AGBL1: variants seen among roughly 807,000 people sequenced by gnomAD.
AGBL1 encodes cytosolic carboxypeptidase 4.
Under a neutral mutation model 118.9 loss-of-function variants are expected in AGBL1, and 130 were observed. That is an observed-to-expected ratio of 1.09 (90% confidence interval 0.95 to 1.26). The LOEUF is 1.26. Ranked by LOEUF, AGBL1 falls within the 50% of genes most tolerant of loss-of-function variation. AGBL1 has a pLI of 0.00. For synonymous variants in AGBL1, 555 were observed against 478.9 expected, an observed-to-expected ratio of 1.16 and a Z score of -2.08; for missense variants, 1,584 against 1,298.1, an observed-to-expected ratio of 1.22 and a Z score of -3.38.
chr15:86,495,679 A>C (rs1281231188), intron 18 of AGBL1, among the ~76,000 whole-genome samples: 1 of 151,964 alleles, frequency 6.6e-6, no homozygotes, highest in Non-Finnish European at 1.5e-5. Flanking sequence ...TCTCTACAGT[A>C]ATTTTTTGAA....
chr15:86,897,423 TTAAAC>T (rs1436102992), intron 22 of AGBL1, among the ~76,000 whole-genome samples: 1 of 152,152 alleles, frequency 6.6e-6, no homozygotes, highest in Admixed American at 6.5e-5. Context: ...TATTATATCT[TTAAAC>T]TATATATTTT....
chr15:86,825,628 A>T (rs2078998556), intron 22 of AGBL1, among the ~76,000 whole-genome samples: 1 of 149,484 alleles, frequency 6.7e-6, no homozygotes, highest in Admixed American at 6.7e-5. Context: ...AGGAAAATAA[A>T]AAAAGGAAGG....
chr15:86,415,088 A>G (rs2081672723), intron 18 of AGBL1, among the ~76,000 whole-genome samples: 1 of 152,174 alleles, frequency 6.6e-6, no homozygotes, highest in African/African-American at 2.4e-5. Flanking sequence ...GCCTCAGATG[A>G]TCAGTGGGTA....
intron 5 of AGBL1, among the ~76,000 whole-genome samples, chr15:86,203,400 C>T (rs1199505745): frequency 6.6e-6 from 1 of 152,154 alleles, no homozygotes; most frequent in Non-Finnish European, 1.5e-5. Flanking sequence ...TTTTATAAGG[C>T]TAGTTTCTAA....
At chr15:86,877,429 A>G (rs1360781083) in intron 22 of AGBL1, among the ~76,000 whole-genome samples, 1 of 152,148 alleles carries the variant, frequency 6.6e-6, no homozygotes, top group Non-Finnish European at 1.5e-5. Flanking sequence ...TCTCTTCTGG[A>G]GGATATTAAG....
At chr15:86,167,450 T>C (rs1322672863) in intron 5 of AGBL1, among the ~76,000 whole-genome samples, 1 of 152,154 alleles carries the variant, frequency 6.6e-6, no homozygotes, top group East Asian at 1.9e-4. Flanking sequence ...TTCACCATGT[T>C]GGCCAGGCTG....
At chr15:86,402,361 T>A (rs1035671550) in intron 18 of AGBL1, among the ~76,000 whole-genome samples, 2 of 152,022 alleles carry the variant, frequency 1.3e-5, no homozygotes, top group Non-Finnish European at 2.9e-5. Context: ...TTTGGATGAG[T>A]CTTTAGGGTT....
intron 24 of AGBL1, among the ~76,000 whole-genome samples, chr15:86,998,048 T>G (rs1167739636): frequency 1.3e-5 from 2 of 152,148 alleles, no homozygotes; most frequent in African/African-American, 2.4e-5. Context: ...ATTGAATGTC[T>G]GTGATGTCTT....
At chr15:86,920,078 C>T (rs1427624671), downstream of AGBL1, among the ~76,000 whole-genome samples, 2 of 152,166 alleles carry the variant, frequency 1.3e-5, no homozygotes, top group Non-Finnish European at 2.9e-5. Flanking sequence ...GCACAGGGAA[C>T]CTCCGTGGGT....
intron 17 of AGBL1, among the ~76,000 whole-genome samples, chr15:86,314,141 C>G (rs1207854434): frequency 6.6e-6 from 1 of 152,080 alleles, no homozygotes; most frequent in Non-Finnish European, 1.5e-5. Flanking sequence ...TTGGATATGC[C>G]CAAGGGTATT....
chr15:86,196,877 G>GTGCA (rs1555446474), intron 5 of AGBL1, among the ~76,000 whole-genome samples: 2 of 86,390 alleles, frequency 2.3e-5, no homozygotes, highest in South Asian at 4.5e-4. Flanking sequence ...GTGCGCGCGC[G>GTGCA]CGCACACACA....
At chr15:86,575,738 C>T (rs1265374282) in intron 21 of AGBL1, among the ~76,000 whole-genome samples, 1 of 151,888 alleles carries the variant, frequency 6.6e-6, no homozygotes, top group Non-Finnish European at 1.5e-5. Flanking sequence ...TACAGGTACA[C>T]ACCACCACAT....
chr15:87,024,467 A>G (rs1403340252), intron 24 of AGBL1, among the ~76,000 whole-genome samples: 1 of 152,066 alleles, frequency 6.6e-6, no homozygotes, highest in East Asian at 1.9e-4. Context: ...AACAAGCAGC[A>G]AGATTGAAAT....
At chr15:86,223,731 T>A (rs1343171393) in intron 5 of AGBL1, among the ~76,000 whole-genome samples, 2 of 152,232 alleles carry the variant, frequency 1.3e-5, no homozygotes, top group East Asian at 3.9e-4. Flanking sequence ...AATTTCAGGC[T>A]TTTGCTCTTG....
intron 6 of AGBL1, among the ~76,000 whole-genome samples, chr15:86,240,113 A>G (rs571947823): frequency 1.7e-4 from 26 of 152,236 alleles, no homozygotes; most frequent in South Asian, 4.1e-4. Context: ...GCAGACTTAA[A>G]TAAGTTGTTT....
At chr15:86,717,564 C>G (rs557340756) in intron 22 of AGBL1, among the ~76,000 whole-genome samples, 17 of 152,174 alleles carry the variant, frequency 1.1e-4, no homozygotes, top group Admixed American at 1.1e-3. Context: ...CAGACATTTC[C>G]CAGAACCTTC....
chr15:86,461,198 G>A (rs1331375977), intron 18 of AGBL1, among the ~76,000 whole-genome samples: 4 of 152,164 alleles, frequency 2.6e-5, no homozygotes, highest in South Asian at 4.1e-4. Context: ...ATGCCCCATC[G>A]GTGGTAGGGT....
intron 23 of AGBL1, among the ~76,000 whole-genome samples, chr15:86,962,062 T>C (rs1348618109): frequency 1.3e-5 from 2 of 152,154 alleles, no homozygotes; most frequent in Non-Finnish European, 2.9e-5. Context: ...TGCAGTCATA[T>C]GATGTTACTA....
chr15:86,241,472 G>A (rs374829730), intron 6 of AGBL1, among the ~76,000 whole-genome samples: 4 of 152,230 alleles, frequency 2.6e-5, no homozygotes, highest in South Asian at 4.2e-4. Context: ...AGTCCATTTT[G>A]TGTTTCTATT....
Sources: allele counts gnomAD v4.1 joint callset (sites outside exome capture counted in the v4.1 genomes callset), GRCh38; gene constraint gnomAD v4.1.1; transcripts MANE v1.5; gene names NCBI Gene and HGNC (gene_info 2026-07-23, HGNC 2026-07-21).